Variants in CAV1 observed in about 807,000 individuals in gnomAD.
CAV1 encodes the protein caveolin-1.
A neutral mutation model predicts 16.5 loss-of-function variants in CAV1; 10 were observed. That is an observed-to-expected ratio of 0.61 (90% CI 0.37 to 1.03). The LOEUF is 1.03. Ranked by LOEUF, CAV1 falls within the 50% of genes least tolerant of loss-of-function variation. The pLI, the probability that CAV1 is intolerant of heterozygous loss-of-function variation, is 0.01. For synonymous variants in CAV1, 76 were observed against 85.1 expected (o/e 0.89, Z 0.59); for missense variants, 212 against 232.8 (o/e 0.91, Z 0.58).
chr7:116,539,263 G>A (rs923223743), intron 2 of CAV1, among the ~76,000 whole-genome samples: 11 of 151,944 alleles, frequency 7.2e-5, no homozygotes, highest in South Asian at 2.1e-4. Flanking sequence ...ACTATCCTGC[G>A]TCACTGTCCT....
At chr7:116,540,476 G>T (rs1793912898) in intron 2 of CAV1, among the ~76,000 whole-genome samples, 1 of 152,148 alleles carries the variant, frequency 6.6e-6, no homozygotes, top group African/African-American at 2.4e-5. Flanking sequence ...ATTCAGTTGA[G>T]AATAGATAGA....
At chr7:116,555,150 A>C (rs1794233065) in intron 2 of CAV1, among the ~76,000 whole-genome samples, 1 of 152,012 alleles carries the variant, frequency 6.6e-6, no homozygotes, top group South Asian at 2.1e-4. Flanking sequence ...TCTATTTAAA[A>C]ACCTAGTCAC....
rs1232017520 is a variant in CAV1, at chr7:116,559,065, C to G, written c.315C>G (p.Ala105=). 1 of 1,613,868 alleles carries G rather than the reference C, an allele frequency of 6.2e-7. No individual in the cohort carries two copies. The change falls in exon 3 of 3, where the codon GCC becomes GCG. Residue 105 remains alanine (A), a synonymous_variant. Coordinates refer to ENST00000341049, the MANE Select transcript of CAV1 (RefSeq NM_001753.5). ...ACTGGTTTTACCGCTTGCTGTCTGC[C>G]CTCTTTGGCATCCCGATGGCACTCA... ...TKYWFYRLLS[A]LFGIPMALIW...
At chr7:116,539,259 C>G (rs1195217437) in intron 2 of CAV1, among the ~76,000 whole-genome samples, 1 of 152,088 alleles carries the variant, frequency 6.6e-6, no homozygotes, top group East Asian at 1.9e-4. Context: ...TCCAACTATC[C>G]TGCGTCACTG....
chr7:116,542,525 T>TTA (rs1793961900), intron 2 of CAV1, among the ~76,000 whole-genome samples: 1 of 152,190 alleles, frequency 6.6e-6, no homozygotes, highest in Non-Finnish European at 1.5e-5. Context: ...TTTCAGGACC[T>TTA]TAAAGGCCAC....
At chr7:116,542,203 A>G (rs1342099965) in intron 2 of CAV1, among the ~76,000 whole-genome samples, 3 of 152,234 alleles carry the variant, frequency 2.0e-5, no homozygotes, top group Non-Finnish European at 4.4e-5. Context: ...ATATTCACAC[A>G]GTTTTGCAGC....
At chr7:116,527,940 A>G (rs561012775) in intron 2 of CAV1, among the ~76,000 whole-genome samples, 3 of 152,210 alleles carry the variant, frequency 2.0e-5, no homozygotes, top group African/African-American at 7.2e-5. Flanking sequence ...GAGCATTTGC[A>G]GCTTTTTTTG....
At chr7:116,553,517 C>T (rs191624178) in intron 2 of CAV1, among the ~76,000 whole-genome samples, 16 of 152,154 alleles carry the variant, frequency 1.1e-4, no homozygotes, top group African/African-American at 3.9e-4. Context: ...ATACTTCCCT[C>T]CAGAAGGCCA....
At chr7:116,525,224 G>A in intron 1 of CAV1, 132 bp downstream of exon 1, 2 of 1,612,290 alleles carry the variant, frequency 1.2e-6, no homozygotes, top group Non-Finnish European at 1.7e-6. Flanking sequence ...CTCTGGCGTT[G>A]GCACCGCTGA....
intron 2 of CAV1, among the ~76,000 whole-genome samples, chr7:116,529,299 G>C (rs924720243): frequency 4.6e-5 from 7 of 152,124 alleles, no homozygotes; most frequent in South Asian, 2.1e-4. Flanking sequence ...GGAAAAGTTG[G>C]TCCTAAAAGC....
At chr7:116,529,109 T>C (rs1562827811) in intron 2 of CAV1, among the ~76,000 whole-genome samples, 1 of 152,142 alleles carries the variant, frequency 6.6e-6, no homozygotes, top group Non-Finnish European at 1.5e-5. Flanking sequence ...GGATTACAGA[T>C]GTGAGCCACT....
intron 2 of CAV1, among the ~76,000 whole-genome samples, chr7:116,534,717 A>G (rs1449974966): frequency 1.3e-5 from 2 of 151,824 alleles, no homozygotes; most frequent in Admixed American, 1.3e-4. Context: ...ATTAAATTAG[A>G]ATATCTAGAG....
intron 2 of CAV1, among the ~76,000 whole-genome samples, chr7:116,539,617 C>T (rs978354427): frequency 1.2e-4 from 18 of 152,072 alleles, no homozygotes; most frequent in Non-Finnish European, 2.4e-4. Context: ...GAAGAGAAAA[C>T]TCATTCTAAT....
intron 2 of CAV1, among the ~76,000 whole-genome samples, chr7:116,555,624 A>G (rs1794279059): frequency 8.3e-6 from 1 of 120,204 alleles, no homozygotes; most frequent in Non-Finnish European, 1.8e-5. Context: ...GAAAGAAGGG[A>G]GGGAGGGAGG....
rs1203265205 is a variant in CAV1, at chr7:116,559,079, C to T, written c.329C>T (p.Pro110Leu). The change falls in exon 3 of 3, where the codon CCG becomes CTG. Residue 110 changes from proline (P) to leucine (L), a missense_variant. By Grantham distance (98) the Pro-to-Leu change is moderately conservative (BLOSUM62 -3). Coordinates refer to ENST00000341049, the MANE Select transcript of CAV1 (RefSeq NM_001753.5). ...YRLLSALFGI[P>L]MALIWGIYFA... Reference sequence around the variant, plus strand: ...TTGCTGTCTGCCCTCTTTGGCATCCCGATGGCACTCATCTGGGGCATTTAC... The same window carrying T: ...TTGCTGTCTGCCCTCTTTGGCATCCTGATGGCACTCATCTGGGGCATTTAC... 6 of 1,613,660 alleles carry T rather than the reference C, an allele frequency of 3.7e-6. No homozygotes were observed. The highest frequency in any genetic ancestry group is 2.2e-5 in the South Asian group (2 of 91,072).
chr7:116,526,476 GC>G, intron 1 of CAV1, 48 bp from the exon 2 acceptor site: 2 of 1,611,922 alleles, frequency 1.2e-6, no homozygotes, highest in Non-Finnish European at 1.7e-6. Context: ...TCCTCCCACC[GC>G]CGTTGCCGCC....
chr7:116,555,575 A>G (rs1794269811), intron 2 of CAV1, among the ~76,000 whole-genome samples: 3 of 96,738 alleles, frequency 3.1e-5, no homozygotes, highest in Admixed American at 9.6e-5. Context: ...AAAGAAAGAA[A>G]GAAAGAAAGA....
At chr7:116,543,848 C>A (rs550355996) in intron 2 of CAV1, among the ~76,000 whole-genome samples, 3 of 152,246 alleles carry the variant, frequency 2.0e-5, no homozygotes, top group Admixed American at 2.0e-4. Flanking sequence ...TTTTTAACAG[C>A]CCATCTGTGA....
At chr7:116,533,351 ATAAAATAAAAT>A (rs1375839294) in intron 2 of CAV1, among the ~76,000 whole-genome samples, 1 of 2,666 alleles carries the variant, frequency 3.8e-4, no homozygotes, top group Non-Finnish European at 1.1e-3. Context: ...AATAAAATAA[ATAAAATAAAAT>A]AAAATAAAAT....
Sources: gnomAD v4.1 joint callset for allele counts (sites outside exome capture counted in the v4.1 genomes callset) on GRCh38, gnomAD v4.1.1 for gene constraint, MANE v1.5 for transcripts, NCBI Gene and HGNC (gene_info 2026-07-23, HGNC 2026-07-21) for gene names.